PACS1: variants seen among roughly 807,000 people sequenced by gnomAD.
PACS1 encodes phosphofurin acidic cluster sorting protein 1.
PACS1 carries 24 observed loss-of-function variants against 115.0 expected under a neutral mutation model. That is an observed-to-expected ratio of 0.21 (90% CI 0.15 to 0.29). PACS1 has a LOEUF of 0.29. Ranked by LOEUF, PACS1 falls within the 10% of genes least tolerant of loss-of-function variation. The probability of loss-of-function intolerance (pLI) is 1.00; values close to 1 mark genes in which losing one functional copy is unlikely to be tolerated. For missense variants in PACS1, 838 were observed against 1,251.2 expected (o/e 0.67, Z 4.98); for synonymous variants, 453 against 504.5 (o/e 0.90, Z 1.37).
chr11:66,079,016 T>C (rs967169739), intron 1 of PACS1, among the ~76,000 whole-genome samples: 20 of 152,234 alleles, frequency 1.3e-4, no homozygotes, highest in Non-Finnish European at 7.3e-5. Context: ...CAAGTGATTC[T>C]CCAGCCTCAG....
rs188383258 is a variant in PACS1 at position 66,171,725 on chromosome 11, G to A, written c.357-21761G>A. ...CTCCCGAGTAGCTGGGACTATAGGC[G>A]CCCACCACCACGCCCCGCTAATTTT... On this transcript the variant is annotated intron_variant, in intron 1 of 23. Transcript: ENST00000320580. Among the ~76,000 whole-genome samples, 1,348 of 149,800 alleles carry A rather than the reference G, an allele frequency of 9.0e-3. 140 individuals are homozygous for A. Among genetic ancestry groups the A allele is most frequent in the African/African-American group, 0.032 (1,279 of 39,366 alleles).
intron 19 of PACS1, among the ~76,000 whole-genome samples, chr11:66,237,170 GC>G (rs1855721901): frequency 1.3e-5 from 2 of 152,212 alleles, no homozygotes; most frequent in Admixed American, 1.3e-4. Flanking sequence ...GGCTGCCTTG[GC>G]CTCCCAAAGT....
At chr11:66,141,611 A>G (rs1352981198) in intron 1 of PACS1, among the ~76,000 whole-genome samples, 2 of 150,596 alleles carry the variant, frequency 1.3e-5, no homozygotes, top group East Asian at 4.0e-4. Context: ...CCGAGATCAC[A>G]CCACTGTACT....
At chr11:66,118,803 G>GA (rs1343966040) in intron 1 of PACS1, among the ~76,000 whole-genome samples, 16 of 130,872 alleles carry the variant, frequency 1.2e-4, no homozygotes, top group African/African-American at 4.4e-4. Flanking sequence ...GAAAGAAAAA[G>GA]AAAAAAAGAT....
In PACS1 at chr11:66,116,170, GGA is replaced by G. The variant is rs367586599; in HGVS notation, c.356+45333_356+45334del. On this transcript the variant is annotated intron_variant, in intron 1 of 23. Coordinates refer to ENST00000320580, the MANE Select transcript of PACS1 (RefSeq NM_018026.4). ...TGTGCAATTAGGTATCTTCAGTGAGGGAGAGACTGTCCTCTAAGCAAAGCAGC... is the reference window on the plus strand; with the variant it reads ...TGTGCAATTAGGTATCTTCAGTGAGGGAGACTGTCCTCTAAGCAAAGCAGC... Among the ~76,000 whole-genome samples the G allele has an allele frequency of 1.1e-3, 172 of 152,302 alleles. 1 individual carries two copies. The highest frequency in any genetic ancestry group is 3.8e-3 in the African/African-American group (159 of 41,562).
At chr11:66,109,062 T>A (rs1181777079) in intron 1 of PACS1, among the ~76,000 whole-genome samples, 1 of 152,234 alleles carries the variant, frequency 6.6e-6, no homozygotes, top group African/African-American at 2.4e-5. Flanking sequence ...AACCTTATGC[T>A]TCAGGTGCAA....
At chr11:66,209,134 G>T (rs1855013602) in intron 2 of PACS1, among the ~76,000 whole-genome samples, 1 of 151,918 alleles carries the variant, frequency 6.6e-6, no homozygotes, top group Non-Finnish European at 1.5e-5. Context: ...GGAGGTTACA[G>T]AGGAAGTTCC....
chr11:66,230,601 G>A lies in PACS1; in HGVS notation c.1428G>A (p.Pro476=), dbSNP rs531107781. ...FGDASTSLVV[P]EKVKTPMKSS... Reference sequence around the variant, plus strand: ...ATGCCAGCACGAGTCTGGTTGTGCCGGAGAAAGTCAAAACTCCCATGAAGT... The same window carrying A: ...ATGCCAGCACGAGTCTGGTTGTGCCAGAGAAAGTCAAAACTCCCATGAAGT... The change falls in exon 12 of 24, where the codon CCG becomes CCA. Residue 476 remains proline, a synonymous_variant. Coordinates refer to ENST00000320580, the MANE Select transcript of PACS1 (RefSeq NM_018026.4). 22 of 1,614,102 alleles carry A rather than the reference G, an allele frequency of 1.4e-5. No homozygotes were observed. Among genetic ancestry groups the A allele is most frequent in the East Asian group, 8.9e-5 (4 of 44,890 alleles).
intron 1 of PACS1, among the ~76,000 whole-genome samples, chr11:66,165,291 G>C (rs751740098): frequency 6.6e-6 from 1 of 151,984 alleles, no homozygotes; most frequent in East Asian, 1.9e-4. Context: ...CTCCCTCATC[G>C]GCAGCTCCTC....
At chr11:66,173,459 GC>G (rs1859784933) in intron 1 of PACS1, among the ~76,000 whole-genome samples, 2 of 152,146 alleles carry the variant, frequency 1.3e-5, no homozygotes, top group African/African-American at 4.8e-5. Flanking sequence ...TGTAATCCTA[GC>G]ACTTTGGGAG....
intron 10 of PACS1, 56 bp downstream of exon 10, chr11:66,221,303 C>A: frequency 1.4e-6 from 2 of 1,411,840 alleles, no homozygotes; most frequent in Non-Finnish European, 2.0e-6. Flanking sequence ...CAGGGCTCGA[C>A]GCTCTGGCCC....
At chr11:66,136,344 C>T (rs1858846165) in intron 1 of PACS1, among the ~76,000 whole-genome samples, 1 of 151,732 alleles carries the variant, frequency 6.6e-6, no homozygotes, top group South Asian at 2.1e-4. Flanking sequence ...CACACACACA[C>T]ACACACACAC....
At chr11:66,230,301 G>T in intron 11 of PACS1, 1 of 523,942 alleles carries the variant, frequency 1.9e-6, no homozygotes, top group Non-Finnish European at 3.4e-6. Flanking sequence ...TGTGCCAGCA[G>T]GTCGTTTGTA....
At chr11:66,124,698 A>G (rs1364677367) in intron 1 of PACS1, among the ~76,000 whole-genome samples, 1 of 152,232 alleles carries the variant, frequency 6.6e-6, no homozygotes, top group Non-Finnish European at 1.5e-5. Flanking sequence ...ATGGTGTGTC[A>G]GACATCTTAG....
At chr11:66,166,044 C>T (rs1028150787) in intron 1 of PACS1, among the ~76,000 whole-genome samples, 1 of 152,168 alleles carries the variant, frequency 6.6e-6, no homozygotes, top group African/African-American at 2.4e-5. Context: ...TTCTATCACC[C>T]CTTTGTTTAT....
At chr11:66,225,063 G>C (rs764687939) in intron 10 of PACS1, among the ~76,000 whole-genome samples, 1 of 152,172 alleles carries the variant, frequency 6.6e-6, no homozygotes, top group African/African-American at 2.4e-5. Context: ...CTGACAGTGC[G>C]TCAGGGCAGC....
Position 66,239,990 on chromosome 11 carries a change from G to T in PACS1, c.2429+713G>T, listed in dbSNP as rs1855779242. ...TGGGCCACGTAGTGACGTGGATTGG[G>T]CTGTTCTTTCTAGTGTCTTCCTTTT... is the stretch of plus-strand genomic sequence containing the variant. On this transcript the variant is annotated intron_variant, in intron 21 of 23. Coordinates refer to ENST00000320580, the MANE Select transcript of PACS1 (RefSeq NM_018026.4). 3.3e-5 allele frequency among the ~76,000 whole-genome samples: 5 copies of T among 152,376 alleles called. No individual in the cohort carries two copies. In the South Asian group the frequency reaches 1.0e-3, roughly 32 times the overall value.
In PACS1 at chr11:66,219,816, T is replaced by C; in HGVS notation, c.1038+11T>C. On this transcript the variant is annotated intron_variant, in intron 8 of 23. Transcript: ENST00000320580. ...AAAGTTTCAGATGAGGTATGGCCTC[T>C]TACTCCCAAGGTTAATGGTGAGTAG... The C allele has an allele frequency of 6.3e-7, 1 of 1,598,664 alleles. No individual in the cohort carries two copies. The highest frequency in any genetic ancestry group is 8.6e-7 in the Non-Finnish European group (1 of 1,165,940).
intron 1 of PACS1, among the ~76,000 whole-genome samples, chr11:66,082,942 A>C (rs1353768582): frequency 6.6e-6 from 1 of 152,204 alleles, no homozygotes. Context: ...GAAACTATGA[A>C]TATGATGGTA....
Sources: allele counts gnomAD v4.1 joint callset (sites outside exome capture counted in the v4.1 genomes callset), GRCh38; gene constraint gnomAD v4.1.1; transcripts MANE v1.5; gene names NCBI Gene and HGNC (gene_info 2026-07-23, HGNC 2026-07-21).